Variants in CACNA1C observed in about 807,000 individuals in gnomAD.
CACNA1C encodes voltage-dependent L-type calcium channel subunit alpha-1C.
CACNA1C carries 30 observed loss-of-function variants against 229.0 expected under a neutral mutation model. The observed-to-expected ratio is 0.13, with a 90% CI of 0.10 to 0.18. The LOEUF (loss-of-function observed/expected upper bound fraction) is 0.18. Among genes scored for constraint, CACNA1C ranks in the 10% least tolerant of loss-of-function variants. The pLI, the probability that CACNA1C is intolerant of heterozygous loss-of-function variation, is 1.00. For missense variants in CACNA1C, 1,658 were observed against 2,845.0 expected (o/e 0.58, Z 9.49); for synonymous variants, 1,114 against 1,132.5 (o/e 0.98, Z 0.33).
At chr12:2,071,046 C>G (rs1565499764) in intron 1 of CACNA1C, among the ~76,000 whole-genome samples, 1 of 128,270 alleles carries the variant, frequency 7.8e-6, no homozygotes, top group African/African-American at 3.0e-5. Context: ...TCCCTTTCCC[C>G]TTCCCTTCCT....
Position 2,348,092 on chromosome 12 carries a change from G to A in CACNA1C, c.478-100884G>A, listed in dbSNP as rs149705098. On this transcript the variant is annotated intron_variant, in intron 3 of 46. Transcript: ENST00000399655. This position sits in a 1 kb window ranked among gnomAD's most constrained non-coding sequence, Gnocchi z 4.7. Reference sequence around the variant, plus strand: ...AGAAACTGCAGTGAGGTGACTGTGCGGCAGGCCCACTCTCAACTCGAGGGG... The same window carrying A: ...AGAAACTGCAGTGAGGTGACTGTGCAGCAGGCCCACTCTCAACTCGAGGGG... Among the ~76,000 whole-genome samples, 7 of 152,312 alleles carry A rather than the reference G, an allele frequency of 4.6e-5. No individual in the cohort carries two copies. Among genetic ancestry groups the A allele is most frequent in the South Asian group, 2.1e-4 (1 of 4,828 alleles).
intron 3 of CACNA1C, among the ~76,000 whole-genome samples, chr12:2,302,929 T>G (rs1397005339): frequency 6.6e-6 from 1 of 152,234 alleles, no homozygotes; most frequent in East Asian, 1.9e-4. Flanking sequence ...GCTTGCTGCC[T>G]TGGCCATGGT....
At chr12:2,572,900 C>T (rs1440168242) in intron 13 of CACNA1C, among the ~76,000 whole-genome samples, 1 of 131,058 alleles carries the variant, frequency 7.6e-6, no homozygotes, top group Non-Finnish European at 1.6e-5. Flanking sequence ...TCCTCTTCTT[C>T]CTCCTTCTCC....
intron 3 of CACNA1C, among the ~76,000 whole-genome samples, chr12:2,121,443 A>T (rs1345622170): frequency 6.6e-6 from 1 of 152,148 alleles, no homozygotes; most frequent in East Asian, 1.9e-4. Context: ...AAAAAATATG[A>T]TGCACGTTTT....
intron 3 of CACNA1C, among the ~76,000 whole-genome samples, chr12:2,146,655 A>G (rs75561113): frequency 0.01 from 1,531 of 151,234 alleles, 38 homozygotes; most frequent in African/African-American, 0.035. Flanking sequence ...TGTTTCCACT[A>G]TTGACAGCCT....
intron 1 of CACNA1C, among the ~76,000 whole-genome samples, chr12:1,997,502 T>C (rs2041223178): frequency 6.6e-6 from 1 of 152,144 alleles, no homozygotes. Flanking sequence ...ACTCCAGCCT[T>C]GGTGACAGAG....
intron 5 of CACNA1C, among the ~76,000 whole-genome samples, chr12:2,477,679 T>C (rs1237310072): frequency 1.3e-5 from 2 of 152,170 alleles, no homozygotes; most frequent in Admixed American, 6.5e-5. Flanking sequence ...GATCCTTCCC[T>C]GCAGGTCTGG....
At chr12:2,297,946 C>CAG (rs1441117376) in intron 3 of CACNA1C, among the ~76,000 whole-genome samples, 1 of 152,110 alleles carries the variant, frequency 6.6e-6, no homozygotes, top group African/African-American at 2.4e-5. Context: ...AGAAAACAGC[C>CAG]AGAGGAGGTT....
chr12:2,305,610 G>A (rs1031976859), intron 3 of CACNA1C, among the ~76,000 whole-genome samples: 1 of 152,230 alleles, frequency 6.6e-6, no homozygotes, highest in Non-Finnish European at 1.5e-5. Flanking sequence ...TTGGGAGGCT[G>A]AGGTGGGAGG....
Position 2,053,301 on chromosome 12 carries a change from A to C in CACNA1C, c.-262A>C. 8 of 1,162,908 alleles carry C rather than the reference A, an allele frequency of 6.9e-6. No individual in the cohort carries two copies. Among genetic ancestry groups the C allele is most frequent in the Admixed American group, 4.4e-5 (1 of 22,508 alleles). 72.0% of individuals were successfully genotyped at this position (1,162,908 alleles called of 1,614,324 possible). ...GGAGGTGCGGTGCTCAGTTCTTGGA[A>C]GGGGCCCGGATGTACTGAGGATGCG... On this transcript the variant is annotated 5_prime_UTR_variant, in exon 1 of 47. Transcript: ENST00000399655. This position sits in a 1 kb window ranked among gnomAD's most constrained non-coding sequence, Gnocchi z 5.8.
At chr12:2,288,514 T>A (rs1366938700) in intron 3 of CACNA1C, among the ~76,000 whole-genome samples, 1 of 152,214 alleles carries the variant, frequency 6.6e-6, no homozygotes, top group East Asian at 1.9e-4. Flanking sequence ...TGTCCATTAA[T>A]GGGTTTGTGT....
At chr12:2,156,817 C>T (rs539254063) in intron 3 of CACNA1C, among the ~76,000 whole-genome samples, 2 of 152,244 alleles carry the variant, frequency 1.3e-5, no homozygotes, top group African/African-American at 4.8e-5. Context: ...CCCCCAGCAG[C>T]AATGCCTTTC....
intron 3 of CACNA1C, among the ~76,000 whole-genome samples, chr12:2,131,926 C>T (rs1338863863): frequency 6.8e-6 from 1 of 146,128 alleles, no homozygotes; most frequent in Non-Finnish European, 1.5e-5. Flanking sequence ...ATTGATTCTT[C>T]CTACCCATGA....
chr12:2,457,541 G>T lies in CACNA1C; in HGVS notation c.618-26G>T, dbSNP rs764898146. On this transcript the variant is annotated intron_variant, in intron 4 of 46. Coordinates refer to ENST00000399655, the MANE Select transcript of CACNA1C (RefSeq NM_000719.7). ...GGCAAAAGAAAACCCAGTCCTGACA[G>T]TCCTTCTCTCTTTCCTCTCTTCTAG... 32 of 1,603,122 alleles carry T rather than the reference G, an allele frequency of 2.0e-5. No individual in the cohort carries two copies. The African/African-American group carries it at 4.0e-4, about 20-fold the overall frequency.
chr12:2,363,444 A>T (rs944223695), intron 3 of CACNA1C, among the ~76,000 whole-genome samples: 1 of 152,186 alleles, frequency 6.6e-6, no homozygotes, highest in African/African-American at 2.4e-5. Flanking sequence ...ACCAACCCGT[A>T]CTCACAAAAC....
At chr12:2,142,908 G>A (rs2094391772) in intron 3 of CACNA1C, among the ~76,000 whole-genome samples, 1 of 151,192 alleles carries the variant, frequency 6.6e-6, no homozygotes, top group Admixed American at 6.6e-5. Context: ...AAAATTAAAA[G>A]GTTTGTAAAG....
At chr12:2,209,560 G>C (rs778853944) in intron 3 of CACNA1C, among the ~76,000 whole-genome samples, 1 of 152,162 alleles carries the variant, frequency 6.6e-6, no homozygotes, top group South Asian at 2.1e-4. Flanking sequence ...CCTATTACCA[G>C]TTGTTTACCC....
chr12:2,506,806 G>A (rs2154578176), intron 8 of CACNA1C, among the ~76,000 whole-genome samples: 1 of 151,510 alleles, frequency 6.6e-6, no homozygotes, highest in Admixed American at 6.6e-5. Flanking sequence ...TTAAAAGAAT[G>A]TAACTCCACT....
At chr12:2,081,436 TGGCG>T (rs1041701961) in intron 1 of CACNA1C, among the ~76,000 whole-genome samples, 6 of 152,094 alleles carry the variant, frequency 3.9e-5, no homozygotes, top group African/African-American at 1.4e-4. Context: ...CCGAGCATAT[TGGCG>T]GGCGCCTGTA....
Sources: allele counts gnomAD v4.1 joint callset (sites outside exome capture counted in the v4.1 genomes callset), GRCh38; gene constraint gnomAD v4.1.1; non-coding constraint Gnocchi (gnomAD v3.1); transcripts MANE v1.5; gene names NCBI Gene and HGNC (gene_info 2026-07-23, HGNC 2026-07-21).